Variants in NAV1 observed in about 807,000 individuals in gnomAD.
NAV1 encodes the protein neuron navigator 1.
Under a neutral mutation model 175.2 loss-of-function variants are expected in NAV1, and 18 were observed. That is an observed-to-expected ratio of 0.10 (90% CI 0.07 to 0.15). The LOEUF (loss-of-function observed/expected upper bound fraction) is 0.15. Ranked by LOEUF, NAV1 falls within the 10% of genes least tolerant of loss-of-function variation. NAV1 has a pLI of 1.00. For missense variants in NAV1, 1,731 were observed against 2,436.6 expected (o/e 0.71, Z 6.10); for synonymous variants, 897 against 978.7 (o/e 0.92, Z 1.56).
intron 1 of NAV1, among the ~76,000 whole-genome samples, chr1:201,578,206 C>T (rs1220782283): frequency 3.3e-5 from 5 of 152,144 alleles, no homozygotes; most frequent in Non-Finnish European, 5.9e-5. Context: ...TTCTGTTGTT[C>T]ATATTGGTTA....
At chr1:201,819,593 C>A (rs1316780702) in intron 29 of NAV1, among the ~76,000 whole-genome samples, 1 of 151,866 alleles carries the variant, frequency 6.6e-6, no homozygotes, top group Non-Finnish European at 1.5e-5. Flanking sequence ...GCTTTGGCAT[C>A]CTGAGTAGCT....
exon 1 of NAV1, chr1:201,648,581 C>A: frequency 7.9e-7 from 1 of 1,266,698 alleles, no homozygotes; most frequent in South Asian, 3.1e-5. Flanking sequence ...TCCTCCTCCC[C>A]CGCCTCCTCC....
intron 2 of NAV1, among the ~76,000 whole-genome samples, chr1:201,606,137 C>T (rs1285577096): frequency 2.0e-5 from 3 of 152,112 alleles, no homozygotes; most frequent in Non-Finnish European, 4.4e-5. Context: ...CAGGTGATGT[C>T]TTAGAAAGGG....
At position 201,582,406 on chromosome 1, in the gene NAV1, G is replaced by C. The variant is rs115984754; in HGVS notation, c.-143-6133G>C. ...CACAGGACCAGTATGGGAAGGGCTG[G>C]GCCTCCAAAGGGACTTGGATATTGC... On this transcript the variant is annotated intron_variant, in intron 1 of 33. Transcript: ENST00000685211. Among the ~76,000 whole-genome samples the C allele has an allele frequency of 4.6e-3, 704 of 152,282 alleles. 6 individuals carry two copies. The highest frequency in any genetic ancestry group is 0.016 in the African/African-American group (653 of 41,560).
chr1:201,762,757 A>G (rs781373123), intron 3 of NAV1, among the ~76,000 whole-genome samples: 2 of 152,036 alleles, frequency 1.3e-5, no homozygotes, highest in African/African-American at 4.8e-5. Context: ...TTACTTCCTT[A>G]TTGGTTTAGA....
chr1:201,654,079 T>A (rs1669305999), intron 1 of NAV1, among the ~76,000 whole-genome samples: 1 of 152,186 alleles, frequency 6.6e-6, no homozygotes, highest in African/African-American at 2.4e-5. Context: ...GCTCTGCCTC[T>A]GAGAGTACCG....
chr1:201,765,360 G>T (rs1276143166), intron 3 of NAV1, among the ~76,000 whole-genome samples: 3 of 139,062 alleles, frequency 2.2e-5, no homozygotes, highest in Admixed American at 7.1e-5. Context: ...TCTTGGATGG[G>T]TTTGATCTTC....
chr1:201,590,003 C>T (rs924241425), intron 2 of NAV1, among the ~76,000 whole-genome samples: 3 of 152,238 alleles, frequency 2.0e-5, no homozygotes, highest in African/African-American at 7.2e-5. Flanking sequence ...AGCAATTCTC[C>T]TGCCTCAGCC....
At chr1:201,763,720 GTCTC>G (rs1403803824) in intron 3 of NAV1, among the ~76,000 whole-genome samples, 13 of 152,170 alleles carry the variant, frequency 8.5e-5, no homozygotes, top group Admixed American at 2.6e-4. Context: ...CTTGGAAACA[GTCTC>G]TCATGTCTTT....
intron 1 of NAV1, among the ~76,000 whole-genome samples, chr1:201,540,762 T>C (rs1247995867): frequency 6.6e-6 from 1 of 152,244 alleles, no homozygotes; most frequent in Non-Finnish European, 1.5e-5. Context: ...CATCAGTTTT[T>C]AGGGGAAGTT....
chr1:201,763,030 T>C (rs1327493391), intron 3 of NAV1, among the ~76,000 whole-genome samples: 2 of 152,240 alleles, frequency 1.3e-5, no homozygotes, highest in Non-Finnish European at 2.9e-5. Context: ...TGACTATTCT[T>C]AGAGCCTCCT....
At chr1:201,809,194 G>A (rs777004478) in exon 21 of NAV1, 2 of 1,613,948 alleles carry the variant, frequency 1.2e-6, no homozygotes, top group Non-Finnish European at 1.7e-6. Context: ...ATCAGTACTT[G>A]TGGTCCAAAG....
intron 1 of NAV1, among the ~76,000 whole-genome samples, chr1:201,681,456 A>G (rs1670456813): frequency 6.6e-6 from 1 of 152,202 alleles, no homozygotes; most frequent in African/African-American, 2.4e-5. Flanking sequence ...GAATCTCCCC[A>G]GCGTGTTTGT....
At chr1:201,572,463 G>A (rs2002823) in intron 1 of NAV1, among the ~76,000 whole-genome samples, 8,399 of 150,072 alleles carry the variant, frequency 0.056, 564 homozygotes, top group African/African-American at 0.17. Context: ...CCACCTCCCC[G>A]GTTCAAGCAA....
intron 1 of NAV1, among the ~76,000 whole-genome samples, chr1:201,553,599 GT>G (rs1201846048): frequency 2.6e-5 from 4 of 152,214 alleles, no homozygotes; most frequent in African/African-American, 4.8e-5. Context: ...ATACGCCCAT[GT>G]GACCCACACC....
chr1:201,790,551 C>T lies in NAV1; in HGVS notation c.3220-3C>T, dbSNP rs1362356656. Reference sequence around the variant, plus strand: ...TTCTCTCCTTCTGTGCTCCCTTCTTCAGGCTGAGGAGAGGATGCAATCTGA... The same window carrying T: ...TTCTCTCCTTCTGTGCTCCCTTCTTTAGGCTGAGGAGAGGATGCAATCTGA... On this transcript the variant is annotated splice_polypyrimidine_tract_variant and splice_region_variant and intron_variant, in intron 11 of 29. Coordinates refer to ENST00000367296, the Ensembl canonical transcript of NAV1. The T allele has an allele frequency of 2.5e-6, 4 of 1,613,976 alleles. No homozygotes were observed. The highest frequency in any genetic ancestry group is 3.4e-6 in the Non-Finnish European group (4 of 1,180,004).
intron 1 of NAV1, among the ~76,000 whole-genome samples, chr1:201,701,336 A>T (rs1671416041): frequency 6.6e-6 from 1 of 152,134 alleles, no homozygotes; most frequent in Non-Finnish European, 1.5e-5. Context: ...TGGGTGCAAC[A>T]AACCAACATA....
At chr1:201,615,410 A>T (rs1226459493) in intron 2 of NAV1, among the ~76,000 whole-genome samples, 1 of 152,006 alleles carries the variant, frequency 6.6e-6, no homozygotes, top group African/African-American at 2.4e-5. Context: ...GATTTCAGGC[A>T]CCTGCCACCG....
chr1:201,574,570 G>C (rs563662517), intron 1 of NAV1, among the ~76,000 whole-genome samples: 2 of 152,306 alleles, frequency 1.3e-5, no homozygotes, highest in East Asian at 3.9e-4. Context: ...GAGCTTGTTG[G>C]ATATCCCAGT....
Sources: allele counts gnomAD v4.1 joint callset (sites outside exome capture counted in the v4.1 genomes callset), GRCh38; gene constraint gnomAD v4.1.1; transcripts MANE v1.5; gene names NCBI Gene and HGNC (gene_info 2026-07-23, HGNC 2026-07-21).